MAGI2: variants seen among roughly 807,000 people sequenced by gnomAD.
MAGI2 encodes membrane associated guanylate kinase, WW and PDZ domain containing 2, also known as membrane-associated guanylate kinase, WW and PDZ domain-containing protein 2.
Under a neutral mutation model 133.3 loss-of-function variants are expected in MAGI2, and 35 were observed. The ratio of observed to expected loss-of-function variants is 0.26; its 90% CI spans 0.20 to 0.35. MAGI2 has a LOEUF of 0.35. MAGI2 is among the 10% of genes least tolerant of loss of function. MAGI2 has a pLI of 1.00. For synonymous variants in MAGI2, 729 were observed against 710.6 expected (o/e 1.03, Z -0.41); for missense variants, 1,636 against 1,863.4 (o/e 0.88, Z 2.25).
intron 20 of MAGI2, among the ~76,000 whole-genome samples, chr7:78,104,674 C>T (rs1024934295): frequency 6.6e-6 from 1 of 152,150 alleles, no homozygotes; most frequent in Non-Finnish European, 1.5e-5. Flanking sequence ...TCCTGTTCTT[C>T]CCAGTGGAAG....
chr7:78,324,093 G>A (rs748425568), intron 9 of MAGI2, among the ~76,000 whole-genome samples: 1 of 151,794 alleles, frequency 6.6e-6, no homozygotes. Flanking sequence ...CTCAATGTGT[G>A]TTTTTATTTA....
chr7:79,164,070 A>C (rs1824687714), intron 1 of MAGI2, among the ~76,000 whole-genome samples: 1 of 152,032 alleles, frequency 6.6e-6, no homozygotes, highest in Non-Finnish European at 1.5e-5. Context: ...ACAACTCTAG[A>C]AATGAGCCTT....
intron 20 of MAGI2, among the ~76,000 whole-genome samples, chr7:78,107,300 C>G (rs1455973784): frequency 6.6e-6 from 1 of 152,034 alleles, no homozygotes; most frequent in East Asian, 1.9e-4. Flanking sequence ...TAGTTTTATT[C>G]TTTTTGTTCA....
At chr7:78,159,485 A>G (rs1361784892) in intron 16 of MAGI2, among the ~76,000 whole-genome samples, 4 of 152,162 alleles carry the variant, frequency 2.6e-5, no homozygotes, top group African/African-American at 7.2e-5. Context: ...CCAAGAGCAC[A>G]TGAAGCCAGC....
chr7:78,580,636 A>G (rs1201303490), intron 3 of MAGI2, among the ~76,000 whole-genome samples: 2 of 152,246 alleles, frequency 1.3e-5, no homozygotes, highest in African/African-American at 4.8e-5. Context: ...AAACCTAGTT[A>G]GAAAAAACTT....
chr7:78,598,391 A>C (rs7790547), intron 3 of MAGI2, among the ~76,000 whole-genome samples: 112,663 of 151,808 alleles, frequency 0.74, 42,264 homozygotes, highest in African/African-American at 0.8. Context: ...GGAGTCCAGG[A>C]AGAAGGAAAA....
chr7:78,032,125 T>C (rs1809657223), intron 21 of MAGI2, among the ~76,000 whole-genome samples: 1 of 151,614 alleles, frequency 6.6e-6, no homozygotes, highest in Non-Finnish European at 1.5e-5. Flanking sequence ...TCAGCAAGGA[T>C]ATCCTTGCTA....
intron 1 of MAGI2, among the ~76,000 whole-genome samples, chr7:79,272,640 G>A (rs188803656): frequency 4.6e-5 from 7 of 152,026 alleles, no homozygotes; most frequent in Admixed American, 3.9e-4. Context: ...TCAATTTAAG[G>A]TTATGATTTC....
intron 3 of MAGI2, among the ~76,000 whole-genome samples, chr7:78,604,188 T>G (rs38094): frequency 6.6e-6 from 1 of 151,858 alleles, no homozygotes. Flanking sequence ...GGAAAGAATA[T>G]TGGGGACAGG....
intron 1 of MAGI2, among the ~76,000 whole-genome samples, chr7:79,148,994 T>A (rs7811970): frequency 7.3e-4 from 107 of 145,840 alleles, no homozygotes; most frequent in African/African-American, 2.6e-3. Flanking sequence ...TTCTGGGACA[T>A]TAGTGCTCCA....
At chr7:78,412,275 G>T (rs928501130) in intron 6 of MAGI2, among the ~76,000 whole-genome samples, 4 of 152,058 alleles carry the variant, frequency 2.6e-5, no homozygotes, top group African/African-American at 9.7e-5. Flanking sequence ...ATAAGAGCCA[G>T]CAGGTTCTCC....
intron 2 of MAGI2, among the ~76,000 whole-genome samples, chr7:78,722,980 G>A (rs943366839): frequency 6.6e-6 from 1 of 152,160 alleles, no homozygotes; most frequent in Non-Finnish European, 1.5e-5. Flanking sequence ...AAAGGAAAAG[G>A]AAGATGTAAG....
chr7:79,002,239 C>T (rs1806941806), intron 2 of MAGI2, among the ~76,000 whole-genome samples: 1 of 151,720 alleles, frequency 6.6e-6, no homozygotes, highest in Non-Finnish European at 1.5e-5. Context: ...TCAAGTGATC[C>T]TCACAAGTAG....
In MAGI2 at chr7:78,547,841, A is replaced by G. The variant is rs532317962; in HGVS notation, c.539-26196T>C. Among the ~76,000 whole-genome samples, 4 of 152,336 alleles carry G rather than the reference A, an allele frequency of 2.6e-5. No individual in the cohort carries two copies. The South Asian group carries it at 8.3e-4, about 32-fold the overall frequency. ...ACATTTTTTCTGACATCGATGTTAT[A>G]ATAAAACAATATTGAGTGAACTGAT... On this transcript the variant is annotated intron_variant, in intron 3 of 21. Coordinates refer to ENST00000354212, the MANE Select transcript of MAGI2 (RefSeq NM_012301.4).
At chr7:79,270,222 A>T (rs1042253174) in intron 1 of MAGI2, among the ~76,000 whole-genome samples, 1 of 152,036 alleles carries the variant, frequency 6.6e-6, no homozygotes, top group Non-Finnish European at 1.5e-5. Context: ...GTCCATAAAA[A>T]CCCTAACCTC....
chr7:79,108,430 A>G (rs1335988450), intron 1 of MAGI2, among the ~76,000 whole-genome samples: 2 of 152,202 alleles, frequency 1.3e-5, no homozygotes, highest in African/African-American at 4.8e-5. Context: ...TGGTTTTGAT[A>G]AATTGATTTA....
intron 2 of MAGI2, among the ~76,000 whole-genome samples, chr7:78,700,942 G>A (rs1347838929): frequency 4.3e-5 from 6 of 140,584 alleles, no homozygotes; most frequent in African/African-American, 1.5e-4. Context: ...TATAGTAAGT[G>A]TGTTACATTT....
chr7:79,216,065 A>C (rs1356243281), intron 1 of MAGI2, among the ~76,000 whole-genome samples: 7 of 151,838 alleles, frequency 4.6e-5, no homozygotes. Context: ...CTTTTGGCCC[A>C]CCACATCCCT....
At chr7:78,960,073 C>A (rs978907709) in intron 2 of MAGI2, among the ~76,000 whole-genome samples, 7 of 152,074 alleles carry the variant, frequency 4.6e-5, no homozygotes, top group Non-Finnish European at 1.0e-4. Flanking sequence ...AATACCACTT[C>A]CAATTCTGAT....
Sources: allele counts gnomAD v4.1 joint callset (sites outside exome capture counted in the v4.1 genomes callset), GRCh38; gene constraint gnomAD v4.1.1; transcripts MANE v1.5; gene names NCBI Gene and HGNC (gene_info 2026-07-23, HGNC 2026-07-21).